The following KIF16B variants were observed in gnomAD, a reference collection of about 807,000 sequenced individuals.
KIF16B encodes the protein kinesin family member 16B, also known as kinesin-like protein KIF16B.
Under a neutral mutation model 156.3 loss-of-function variants are expected in KIF16B, and 98 were observed. The ratio of observed to expected loss-of-function variants is 0.63; its 90% CI spans 0.53 to 0.74. The LOEUF is 0.74. KIF16B is among the 30% of genes least tolerant of loss of function. The pLI is 0.00. For missense variants in KIF16B, 1,421 were observed against 1,606.5 expected, an observed-to-expected ratio of 0.88 and a Z score of 1.97; for synonymous variants, 564 against 583.7, an observed-to-expected ratio of 0.97 and a Z score of 0.49.
intron 1 of KIF16B, among the ~76,000 whole-genome samples, chr20:16,571,916 C>T (rs1056473300): frequency 1.2e-4 from 19 of 152,130 alleles, no homozygotes; most frequent in Non-Finnish European, 2.4e-4. Context: ...TGAGCCACCG[C>T]GCCCAGCCTA....
chr20:16,561,171 G>C (rs182077299), intron 1 of KIF16B, among the ~76,000 whole-genome samples: 12 of 152,142 alleles, frequency 7.9e-5, no homozygotes, highest in Admixed American at 5.2e-4. Flanking sequence ...GCGGGTATCT[G>C]TAATGCCAGC....
intron 25 of KIF16B, among the ~76,000 whole-genome samples, chr20:16,292,876 G>A (rs968582697): frequency 5.3e-5 from 8 of 152,220 alleles, no homozygotes; most frequent in African/African-American, 1.9e-4. Context: ...ACTAAAAGAT[G>A]CAAAAGTAGC....
intron 12 of KIF16B, among the ~76,000 whole-genome samples, chr20:16,484,675 G>A (rs1044046993): frequency 6.6e-6 from 1 of 152,152 alleles, no homozygotes; most frequent in South Asian, 2.1e-4. Flanking sequence ...TGGTACTGGT[G>A]GTGGCTTTTG....
intron 22 of KIF16B, 119 bp downstream of exon 22, chr20:16,370,466 GC>G: frequency 2.9e-6 from 2 of 685,212 alleles, no homozygotes; most frequent in Admixed American, 4.0e-5. Context: ...TTCCCTATTA[GC>G]CATTAATCTT....
rs146806808 is a variant in KIF16B, at chr20:16,281,040, G to A, written c.3796-7629C>T. Among the ~76,000 whole-genome samples the A allele has an allele frequency of 2.6e-5, 4 of 152,138 alleles. No homozygotes were observed. In the East Asian group the frequency reaches 5.8e-4, roughly 22 times the overall value. On this transcript the variant is annotated intron_variant, in intron 25 of 25. Transcript: ENST00000354981. ...AATAGGGCTCATGACTATAACTGCA[G>A]CCTACTGCTTATTTCATGTGCAATA... is the stretch of plus-strand genomic sequence containing the variant.
intron 12 of KIF16B, among the ~76,000 whole-genome samples, chr20:16,479,594 C>T (rs1452642611): frequency 6.6e-6 from 1 of 152,146 alleles, no homozygotes. Flanking sequence ...TTTCAGTCAG[C>T]AATGGACCAC....
chr20:16,431,390 T>A (rs1053525243), intron 12 of KIF16B, among the ~76,000 whole-genome samples: 9 of 152,282 alleles, frequency 5.9e-5, no homozygotes, highest in African/African-American at 1.9e-4. Context: ...CTCACTCTCA[T>A]CTTCTGCCGC....
intron 17 of KIF16B, among the ~76,000 whole-genome samples, chr20:16,392,859 C>A (rs976695735): frequency 1.3e-5 from 2 of 152,160 alleles, no homozygotes; most frequent in African/African-American, 4.8e-5. Flanking sequence ...AGAAAGAATT[C>A]TGGGCGTGGA....
At chr20:16,547,061 G>A (rs2070436745) in intron 1 of KIF16B, among the ~76,000 whole-genome samples, 1 of 152,182 alleles carries the variant, frequency 6.6e-6, no homozygotes, top group Non-Finnish European at 1.5e-5. Context: ...ACAGGTGTGA[G>A]CCACCGCACC....
At chr20:16,429,825 G>A in intron 13 of KIF16B, 38 bp downstream of exon 13, 1 of 1,575,214 alleles carries the variant, frequency 6.3e-7, no homozygotes, top group South Asian at 1.2e-5. Context: ...GGAGAAACTG[G>A]AAACAAAATT....
chr20:16,429,469 T>A (rs1336992552), intron 13 of KIF16B, among the ~76,000 whole-genome samples: 1 of 152,172 alleles, frequency 6.6e-6, no homozygotes. Flanking sequence ...AACTGTCTGC[T>A]TGGAACCAAG....
chr20:16,552,965 C>T (rs923267087), intron 1 of KIF16B, among the ~76,000 whole-genome samples: 2 of 151,984 alleles, frequency 1.3e-5, no homozygotes, highest in African/African-American at 4.8e-5. Flanking sequence ...AGGGTTTCAT[C>T]GTGTTGGTCA....
At chr20:16,541,751 G>T (rs1229254168) in intron 1 of KIF16B, among the ~76,000 whole-genome samples, 3 of 152,240 alleles carry the variant, frequency 2.0e-5, no homozygotes, top group Non-Finnish European at 4.4e-5. Context: ...ACTGAGGCAG[G>T]CCCAGGCAGA....
chr20:16,410,000 CATATATATATGTAG>C lies in KIF16B; in HGVS notation c.1613-3558_1613-3545del, dbSNP rs1568948064. 6.6e-5 allele frequency among the ~76,000 whole-genome samples: 5 copies of C among 75,492 alleles called. 1 individual carries two copies. The highest frequency in any genetic ancestry group is 5.4e-4 in the East Asian group (1 of 1,842). The allele number at this position is 75,492 out of a possible 152,430, so 49.5% of individuals were successfully genotyped here. On this transcript the variant is annotated intron_variant, in intron 15 of 25. Transcript: ENST00000354981. Reference sequence around the variant, plus strand: ...ATATATATATATATATATGTAGGTACATATATATATGTAGGTACATATATATATGTAGGTACATA... The same window carrying C: ...ATATATATATATATATATGTAGGTACGTACATATATATATGTAGGTACATA...
At chr20:16,516,152 C>T (rs1429428151) in intron 3 of KIF16B, among the ~76,000 whole-genome samples, 1 of 152,164 alleles carries the variant, frequency 6.6e-6, no homozygotes, top group Non-Finnish European at 1.5e-5. Flanking sequence ...TCTGCAGGTG[C>T]TCATGCAGCT....
rs1016104868 is a variant in KIF16B at position 16,432,881 on chromosome 20, G to A, written c.1303-2899C>T. Reference sequence around the variant, plus strand: ...TAGTTTCAAGAAAAGGAAATGAAGCGTGTCATTGTTCTTCAATTACCACTC... The same window carrying A: ...TAGTTTCAAGAAAAGGAAATGAAGCATGTCATTGTTCTTCAATTACCACTC... On this transcript the variant is annotated intron_variant, in intron 12 of 25. Transcript: ENST00000354981. 6.6e-5 allele frequency among the ~76,000 whole-genome samples: 10 copies of A among 152,164 alleles called. No homozygotes were observed. The East Asian group carries it at 1.2e-3, about 18-fold the overall frequency.
intron 24 of KIF16B, among the ~76,000 whole-genome samples, chr20:16,331,002 G>T (rs1347188295): frequency 1.3e-5 from 2 of 152,182 alleles, no homozygotes; most frequent in African/African-American, 4.8e-5. Flanking sequence ...AGACTGCTTG[G>T]GGGGCTTCTC....
At chr20:16,440,069 C>A (rs775209925) in intron 12 of KIF16B, among the ~76,000 whole-genome samples, 14 of 152,168 alleles carry the variant, frequency 9.2e-5, no homozygotes, top group Admixed American at 9.2e-4. Flanking sequence ...GTCTTTACAG[C>A]ACTTAAAGTG....
At chr20:16,305,576 TAA>T (rs1213842530) in intron 25 of KIF16B, among the ~76,000 whole-genome samples, 1 of 152,214 alleles carries the variant, frequency 6.6e-6, no homozygotes, top group Non-Finnish European at 1.5e-5. Flanking sequence ...AAATATACAA[TAA>T]GTGATAATTA....
Sources: allele counts gnomAD v4.1 joint callset (sites outside exome capture counted in the v4.1 genomes callset), GRCh38; gene constraint gnomAD v4.1.1; transcripts MANE v1.5; gene names NCBI Gene and HGNC (gene_info 2026-07-23, HGNC 2026-07-21).